Variants in VPS45 observed in about 807,000 individuals in gnomAD.
The protein encoded by VPS45 is vacuolar protein sorting 45 homolog.
VPS45 carries 35 observed loss-of-function variants against 75.9 expected under a neutral mutation model. That is an observed-to-expected ratio of 0.46 (90% CI 0.35 to 0.61). The LOEUF (loss-of-function observed/expected upper bound fraction) is 0.61, where lower values mean the gene tolerates loss of function less well. VPS45 is among the 20% of genes least tolerant of loss of function. VPS45 has a pLI of 0.00. For synonymous variants in VPS45, 220 were observed against 238.2 expected (o/e 0.92, Z 0.70); for missense variants, 559 against 685.9 (o/e 0.81, Z 2.07).
intron 11 of VPS45, 76 bp from the exon 12 acceptor site, chr1:150,092,226 C>T: frequency 3.9e-6 from 6 of 1,534,038 alleles, no homozygotes; most frequent in Admixed American, 2.0e-5. Flanking sequence ...TTTTTGTTTC[C>T]TTAATAAAAT....
intron 13 of VPS45, among the ~76,000 whole-genome samples, chr1:150,107,381 C>T (rs1657390111): frequency 1.3e-5 from 2 of 152,174 alleles, no homozygotes; most frequent in African/African-American, 4.8e-5. Flanking sequence ...TGGACTCCCC[C>T]TTTACCCCTA....
chr1:150,131,107 G>A (rs1341361350), intron 14 of VPS45, among the ~76,000 whole-genome samples: 2 of 152,062 alleles, frequency 1.3e-5, no homozygotes, highest in Non-Finnish European at 2.9e-5. Context: ...CTAAACTGCC[G>A]GCCAGAAAAA....
At chr1:150,116,012 T>C (rs1304983518) in intron 14 of VPS45, among the ~76,000 whole-genome samples, 1 of 152,228 alleles carries the variant, frequency 6.6e-6, no homozygotes, top group Non-Finnish European at 1.5e-5. Flanking sequence ...AGAAGTTAGA[T>C]ATTCATTTAA....
rs994373316 is a variant in VPS45 at position 150,095,486 on chromosome 1, C to T, written c.1493+1838C>T. On this transcript the variant is annotated intron_variant, in intron 13 of 14. Coordinates refer to ENST00000644510, the MANE Select transcript of VPS45 (RefSeq NM_007259.5). ...AAATTAGCCTGGCGTGGGTAGCAGG[C>T]GCCTGTAATCCCAGCTACTCAGGAG... Among the ~76,000 whole-genome samples, 12 of 152,018 alleles carry T rather than the reference C, an allele frequency of 7.9e-5. No individual in the cohort carries two copies. The South Asian group carries it at 1.0e-3, about 13-fold the overall frequency.
intron 14 of VPS45, among the ~76,000 whole-genome samples, chr1:150,110,861 C>T (rs145860618): frequency 8.7e-4 from 133 of 152,212 alleles, no homozygotes; most frequent in African/African-American, 3.0e-3. Context: ...AAAGTAAGAA[C>T]CATCTTACAC....
In VPS45 at chr1:150,110,317, GCT is replaced by G. The variant is rs1292843142; in HGVS notation, c.1494-176_1494-175del. 25 of 548,348 alleles carry G rather than the reference GCT, an allele frequency of 4.6e-5. No homozygotes were observed. The East Asian group carries it at 6.7e-4, about 15-fold the overall frequency. 34.0% of individuals were successfully genotyped at this position (548,348 alleles called of 1,614,324 possible). A position where few individuals can be genotyped will look rare whatever the true frequency, so the allele number is the denominator to read the frequency against. On this transcript the variant is annotated intron_variant, in intron 13 of 14. Coordinates refer to ENST00000644510, the MANE Select transcript of VPS45 (RefSeq NM_007259.5). ...AGCAAATCACTATTCAGCATTTCCTGCTCTGTTTCCTGCCAATTTCAGATAAT... is the reference window on the plus strand; with the variant it reads ...AGCAAATCACTATTCAGCATTTCCTGCTGTTTCCTGCCAATTTCAGATAAT...
At position 150,072,587 on chromosome 1, in the gene VPS45, G is replaced by T. The variant is rs1310778417; in HGVS notation, c.289+361G>T. On this transcript the variant is annotated intron_variant, in intron 3 of 14. Coordinates refer to ENST00000644510, the MANE Select transcript of VPS45 (RefSeq NM_007259.5). Reference sequence around the variant, plus strand: ...CAGGAGAATCGCTTGAACCGGAGAGGCGGAGATTGCAGTGAGCCGAGATTG... The same window carrying T: ...CAGGAGAATCGCTTGAACCGGAGAGTCGGAGATTGCAGTGAGCCGAGATTG... Among the ~76,000 whole-genome samples, 3 of 149,800 alleles carry T rather than the reference G, an allele frequency of 2.0e-5. No individual in the cohort carries two copies. The Admixed American group carries it at 2.0e-4, about 10-fold the overall frequency.
chr1:150,144,978 G>T lies in VPS45; in HGVS notation c.*182G>T. Reference sequence around the variant, plus strand: ...ACTCCCAGAGTTGTCCTAACAATAAGTCTGAGCCCATCTCAACCCACTTTT... The same window carrying T: ...ACTCCCAGAGTTGTCCTAACAATAATTCTGAGCCCATCTCAACCCACTTTT... On this transcript the variant is annotated 3_prime_UTR_variant, in exon 15 of 15. Coordinates refer to ENST00000644510, the MANE Select transcript of VPS45 (RefSeq NM_007259.5). 2 of 1,499,710 alleles carry T rather than the reference G, an allele frequency of 1.3e-6. No homozygotes were observed. The highest frequency in any genetic ancestry group is 1.8e-6 in the Non-Finnish European group (2 of 1,119,956). 92.9% of individuals were successfully genotyped at this position (1,499,710 alleles called of 1,614,324 possible).
Position 150,088,478 on chromosome 1 carries a change from TTTTC to T in VPS45, c.1105-3455_1105-3452del, listed in dbSNP as rs1571843608. ...ATATGCTGCTATTTTCTTTTCCCTTTTTTCTTTTTTTTTTTTTTTGAGACAGGGT... is the reference window on the plus strand; with the variant it reads ...ATATGCTGCTATTTTCTTTTCCCTTTTTTTTTTTTTTTTTTGAGACAGGGT... On this transcript the variant is annotated intron_variant, in intron 10 of 14. Transcript: ENST00000644510. 3.2e-4 allele frequency among the ~76,000 whole-genome samples: 7 copies of T among 21,602 alleles called. 2 individuals are homozygous for T. Among genetic ancestry groups the T allele is most frequent in the Non-Finnish European group, 9.7e-4 (6 of 6,214 alleles). 14.2% of individuals were successfully genotyped at this position (21,602 alleles called of 152,430 possible).
At chr1:150,110,447 C>T in intron 13 of VPS45, 49 bp from the exon 14 acceptor site, 3 of 1,537,002 alleles carry the variant, frequency 2.0e-6, no homozygotes, top group Non-Finnish European at 2.6e-6. Context: ...AAGTCACAGT[C>T]CTTTTTTTTT....
At chr1:150,141,735 CAT>C (rs1353321973) in intron 14 of VPS45, among the ~76,000 whole-genome samples, 2 of 152,146 alleles carry the variant, frequency 1.3e-5, no homozygotes, top group Non-Finnish European at 2.9e-5. Flanking sequence ...TGTTTATACT[CAT>C]ATTGGATTGT....
intron 6 of VPS45, 195 bp from the exon 7 acceptor site, chr1:150,077,474 T>C: frequency 1.5e-6 from 1 of 680,330 alleles, no homozygotes; most frequent in Non-Finnish European, 2.4e-6. Context: ...AAACCACTTA[T>C]AAAATAGGGT....
At chr1:150,122,953 A>T (rs1571899213) in intron 14 of VPS45, among the ~76,000 whole-genome samples, 1 of 137,650 alleles carries the variant, frequency 7.3e-6, no homozygotes, top group Admixed American at 8.3e-5. Flanking sequence ...ACGCCATTAC[A>T]CTCCAGCCTG....
At chr1:150,074,955 C>CT (rs782039324) in intron 3 of VPS45, among the ~76,000 whole-genome samples, 58,890 of 80,890 alleles carry the variant, frequency 0.73, 24,895 homozygotes, top group South Asian at 0.91. Flanking sequence ...ATTATTTATT[C>CT]TTTTTTTTTT....
intron 13 of VPS45, chr1:150,109,468 G>A (rs1236371917): frequency 6.9e-6 from 1 of 145,166 alleles, no homozygotes; most frequent in East Asian, 1.9e-4. Context: ...ATTTTAGAAA[G>A]AGAGAGAGAG....
intron 8 of VPS45, 96 bp from the exon 9 acceptor site, chr1:150,081,788 C>A: frequency 1.3e-6 from 1 of 791,668 alleles, no homozygotes; most frequent in Non-Finnish European, 2.0e-6. Flanking sequence ...TTTCCCTGCC[C>A]TTCAATTCTG....
intron 13 of VPS45, among the ~76,000 whole-genome samples, chr1:150,095,099 G>A (rs1288430391): frequency 6.6e-6 from 1 of 152,130 alleles, no homozygotes; most frequent in Non-Finnish European, 1.5e-5. Flanking sequence ...AGATGCTGGC[G>A]ATATAGAAGT....
chr1:150,102,252 A>AAAAC (rs1257437582), intron 13 of VPS45, among the ~76,000 whole-genome samples: 1 of 142,262 alleles, frequency 7.0e-6, no homozygotes, highest in Non-Finnish European at 1.5e-5. Flanking sequence ...AAAAAAAAAA[A>AAAAC]AACAAACACA....
intron 13 of VPS45, among the ~76,000 whole-genome samples, chr1:150,108,813 T>C (rs1423026613): frequency 5.9e-5 from 9 of 152,124 alleles, no homozygotes; most frequent in African/African-American, 9.7e-5. Flanking sequence ...CCTATGAGAA[T>C]CTAACGCCTC....
Sources: allele counts gnomAD v4.1 joint callset (sites outside exome capture counted in the v4.1 genomes callset), GRCh38; gene constraint gnomAD v4.1.1; transcripts MANE v1.5; gene names NCBI Gene and HGNC (gene_info 2026-07-23, HGNC 2026-07-21).